SRRM1: variants seen among roughly 807,000 people sequenced by gnomAD.
SRRM1 encodes the protein serine/arginine repetitive matrix protein 1.
SRRM1 carries 19 observed loss-of-function variants against 110.2 expected under a neutral mutation model. The ratio of observed to expected loss-of-function variants is 0.17; its 90% CI spans 0.12 to 0.25. The LOEUF is 0.25. Among genes scored for constraint, SRRM1 ranks in the 10% least tolerant of loss-of-function variants. The pLI is 1.00. For synonymous variants in SRRM1, 443 were observed against 414.9 expected, an observed-to-expected ratio of 1.07 and a Z score of -0.82; for missense variants, 918 against 1,145.8, an observed-to-expected ratio of 0.80 and a Z score of 2.87.
rs145502946 is a variant in SRRM1 at position 24,671,366 on chromosome 1, T to C, written c.2401-20T>C. On this transcript the variant is annotated intron_variant, in intron 15 of 16. Coordinates refer to ENST00000323848, the MANE Select transcript of SRRM1 (RefSeq NM_005839.4). ...TCAGATTGATTATAAATGCTGGGTG[T>C]TGTTTTTTTTTCTTCCTAGAATTCA... 4.4e-6 allele frequency: 7 copies of C among 1,578,694 alleles called. No homozygotes were observed. The African/African-American group carries it at 9.6e-5, about 22-fold the overall frequency.
At chr1:24,655,161 C>T (rs1246767597) in intron 9 of SRRM1, 32 bp downstream of exon 9, 2 of 1,607,902 alleles carry the variant, frequency 1.2e-6, no homozygotes, top group Non-Finnish European at 1.7e-6. Context: ...AACATGGTCT[C>T]TCTTTCTTTG....
rs541850227 is a variant in SRRM1, at chr1:24,669,142, C to G, written c.1759C>G (p.Arg587Gly). Reference sequence around the variant, plus strand: ...TCCTAGGACTCCTTCTCCTCCCCCACGTCGGCGCTCACCTTCTCCTAGAAG... The same window carrying G: ...TCCTAGGACTCCTTCTCCTCCCCCAGGTCGGCGCTCACCTTCTCCTAGAAG... ...PRRRTPSPPPRRRSPSPRRYS... is the reference protein window; with the variant it reads ...PRRRTPSPPPGRRSPSPRRYS... Residue 587 changes from arginine to glycine, a missense_variant, in exon 14 of 17, where the codon CGT becomes GGT. This residue lies in a region of SRRM1 where 357 missense variants were observed against 402.9 expected (regional missense o/e 0.89). Coordinates refer to ENST00000323848, the MANE Select transcript of SRRM1 (RefSeq NM_005839.4). 3.1e-5 allele frequency: 50 copies of G among 1,609,154 alleles called. No individual in the cohort carries two copies. Among genetic ancestry groups the G allele is most frequent in the Non-Finnish European group, 4.0e-5 (47 of 1,176,072 alleles).
intron 11 of SRRM1, 48 bp downstream of exon 11, chr1:24,661,444 A>G: frequency 7.2e-7 from 1 of 1,381,384 alleles, no homozygotes; most frequent in Non-Finnish European, 1.0e-6. Flanking sequence ...TTCCTATTAA[A>G]AAATACTTGG....
rs1206142018 is a variant in SRRM1 at position 24,660,722 on chromosome 1, C to G, written c.1319C>G (p.Thr440Arg). The G allele has an allele frequency of 6.5e-7, 1 of 1,547,986 alleles. No individual in the cohort carries two copies. The highest frequency in any genetic ancestry group is 8.7e-7 in the Non-Finnish European group (1 of 1,150,010). ...TTCCACTCTTATTCTTTTTTAGTGA[C>G]AAAACATAAAGGTACTGAGAAAAGA... ...VSPGRTSGKV[T>R]KHKGTEKRES... is the part of the protein sequence containing the mutation. Residue 440 changes from threonine (T) to arginine (R), a missense_variant, in exon 10 of 17, where the codon ACA (threonine) becomes AGA (arginine). Physicochemically the swap from Thr to Arg is moderately conservative, Grantham distance 71. This residue lies in a region of SRRM1 where 456 missense variants were observed against 453.5 expected (regional missense o/e 1.01). Coordinates refer to ENST00000323848, the MANE Select transcript of SRRM1 (RefSeq NM_005839.4).
At chr1:24,667,640 A>T (rs1670662300) in intron 13 of SRRM1, among the ~76,000 whole-genome samples, 1 of 152,228 alleles carries the variant, frequency 6.6e-6, no homozygotes, top group Non-Finnish European at 1.5e-5. Context: ...AATGACAGAA[A>T]CAGTCACAGA....
chr1:24,666,945 A>G lies in SRRM1; in HGVS notation c.1739+20A>G. On this transcript the variant is annotated intron_variant, in intron 13 of 16. Transcript: ENST00000323848. ...ACGAAGGTACTTTGTCAAATATGCT[A>G]ACTGGAGCATCTCCCCAACTCCCCC... 6.4e-7 allele frequency: 1 copy of G among 1,554,080 alleles called. No homozygotes were observed. Among genetic ancestry groups the G allele is most frequent in the Non-Finnish European group, 8.8e-7 (1 of 1,141,652 alleles).
chr1:24,649,387 C>G (rs1344846853), intron 4 of SRRM1, among the ~76,000 whole-genome samples: 1 of 152,212 alleles, frequency 6.6e-6, no homozygotes, highest in Non-Finnish European at 1.5e-5. Context: ...GGTGTGGTCT[C>G]TGCTCACTGC....
At chr1:24,663,303 A>C (rs976453930) in intron 12 of SRRM1, 29 of 1,106,508 alleles carry the variant, frequency 2.6e-5, no homozygotes, top group Middle Eastern at 2.1e-4. Flanking sequence ...AGGTGACCTC[A>C]TCTCATTCTT....
intron 1 of SRRM1, 26 bp downstream of exon 1, chr1:24,643,373 G>A (rs745448144): frequency 2.6e-6 from 4 of 1,546,714 alleles, no homozygotes; most frequent in Non-Finnish European, 3.5e-6. Context: ...GGGCGCCGGG[G>A]TGAGGCCAGG....
chr1:24,643,944 A>G (rs1438191815), intron 1 of SRRM1, among the ~76,000 whole-genome samples: 2 of 152,052 alleles, frequency 1.3e-5, no homozygotes, highest in African/African-American at 4.8e-5. Context: ...ATATCCCTTC[A>G]GGGAGGGGGA....
intron 3 of SRRM1, chr1:24,647,369 T>C (rs1444911361): frequency 2.0e-5 from 3 of 152,618 alleles, no homozygotes; most frequent in African/African-American, 7.2e-5. Context: ...GGATATTGTT[T>C]TTAAAGGAAC....
Position 24,644,995 on chromosome 1 carries a change from A to G in SRRM1, c.22-989A>G, listed in dbSNP as rs375670864. On this transcript the variant is annotated intron_variant, in intron 1 of 16. Transcript: ENST00000323848. The stretch of plus-strand genomic sequence containing the variant: ...GTTAACTGGATTTAAGATCCAAGTT[A>G]AAATATTTTAGGGTCATTATCTAGT... Among the ~76,000 whole-genome samples the G allele has an allele frequency of 5.3e-5, 8 of 152,342 alleles. No homozygotes were observed. The East Asian group carries it at 1.5e-3, about 29-fold the overall frequency.
chr1:24,643,436 C>G, intron 1 of SRRM1, 89 bp downstream of exon 1: 2 of 1,120,040 alleles, frequency 1.8e-6, no homozygotes, highest in South Asian at 4.1e-5. Context: ...GGGTGGCCAG[C>G]GAGGGGAGCT....
intron 12 of SRRM1, among the ~76,000 whole-genome samples, chr1:24,664,954 C>T (rs1669168063): frequency 6.8e-6 from 1 of 147,148 alleles, no homozygotes; most frequent in Non-Finnish European, 1.5e-5. Context: ...AAAATCAACA[C>T]TAATGTTTAT....
At chr1:24,667,992 T>TG (rs1553178016) in intron 13 of SRRM1, among the ~76,000 whole-genome samples, 151 of 143,994 alleles carry the variant, frequency 1.0e-3, no homozygotes, top group African/African-American at 3.7e-3. Context: ...TTTTTTTTTT[T>TG]GAGACAGTCT....
At position 24,662,675 on chromosome 1, in the gene SRRM1, C is replaced by G. The variant is rs970146235; in HGVS notation, c.1499C>G (p.Ser500Cys). The G allele has an allele frequency of 1.2e-6, 2 of 1,613,940 alleles. No individual in the cohort carries two copies. The highest frequency in any genetic ancestry group is 1.7e-6 in the Non-Finnish European group (2 of 1,179,946). Residue 500 changes from serine to cysteine, a missense_variant, in exon 12 of 17, where the codon TCC (serine) becomes TGC (cysteine). Coordinates refer to ENST00000323848, the MANE Select transcript of SRRM1 (RefSeq NM_005839.4). ...GTAATTATAGACTCTGGCTCCTCCT[C>G]CTCCTCAGAAGATGAACGACCCAAG... ...QQSSSDSGSS[S>C]SSEDERPKRS...
At chr1:24,659,068 C>G (rs1369983757) in intron 9 of SRRM1, among the ~76,000 whole-genome samples, 2 of 152,242 alleles carry the variant, frequency 1.3e-5, no homozygotes, top group East Asian at 3.9e-4. Flanking sequence ...TTGGCGCATG[C>G]CTGTAATCCC....
intron 12 of SRRM1, chr1:24,663,303 A>G: frequency 3.6e-6 from 4 of 1,106,630 alleles, no homozygotes; most frequent in Non-Finnish European, 2.6e-6. Flanking sequence ...AGGTGACCTC[A>G]TCTCATTCTT....
intron 12 of SRRM1, chr1:24,663,213 A>G: frequency 1.3e-6 from 2 of 1,513,614 alleles, no homozygotes; most frequent in East Asian, 2.5e-5. Context: ...GGCAATCGCC[A>G]GTGACTAAAA....
Sources: gnomAD v4.1 joint callset for allele counts (sites outside exome capture counted in the v4.1 genomes callset) on GRCh38, gnomAD v4.1.1 for gene constraint, gnomAD v4.1.1 regional missense constraint, MANE v1.5 for transcripts, NCBI Gene and HGNC (gene_info 2026-07-23, HGNC 2026-07-21) for gene names.